FBN2: variants seen among roughly 807,000 people sequenced by gnomAD.
FBN2 encodes fibrillin 2.
A neutral mutation model predicts 355.6 loss-of-function variants in FBN2; 105 were observed. That is an observed-to-expected ratio of 0.30 (90% CI 0.25 to 0.35). The LOEUF is 0.35. FBN2 is among the 10% of genes least tolerant of loss of function. FBN2 has a pLI of 1.00. For missense variants in FBN2, 3,280 were observed against 3,758.7 expected (o/e 0.87, Z 3.33); for synonymous variants, 1,350 against 1,301.2 (o/e 1.04, Z -0.81).
rs1229071934 is a variant in FBN2, at chr5:128,335,150, T to C, written c.3973+20A>G. 6 of 1,613,980 alleles carry C rather than the reference T, an allele frequency of 3.7e-6. No homozygotes were observed. The highest frequency in any genetic ancestry group is 5.1e-6 in the Non-Finnish European group (6 of 1,180,002). The stretch of plus-strand genomic sequence containing the variant: ...GTGCATGTGTGTGTATAAATGTTTA[T>C]CCTTTCTTATGATACCCACCAATGC... On this transcript the variant is annotated intron_variant, in intron 30 of 64. Transcript: ENST00000262464.
rs776515245 is a variant in FBN2 at position 128,377,780 on chromosome 5, T to C, written c.1821A>G (p.Glu607=). ...SFQCICNAGF[E]LTTDGKNCVD... ...CACAGTTTTTTCCATCTGTAGTTAATTCAAAGCCGGCATTGCAAATGCACT... is the reference window on the plus strand; with the variant it reads ...CACAGTTTTTTCCATCTGTAGTTAACTCAAAGCCGGCATTGCAAATGCACT... The change falls in exon 13 of 65, where the codon GAA becomes GAG. Residue 607 remains glutamate (E), a synonymous_variant. Transcript: ENST00000262464. 2.5e-6 allele frequency: 4 copies of C among 1,613,664 alleles called. No individual in the cohort carries two copies. The South Asian group carries it at 4.4e-5, about 18-fold the overall frequency.
intron 16 of FBN2, among the ~76,000 whole-genome samples, chr5:128,367,890 A>T (rs1398432382): frequency 6.6e-6 from 1 of 151,918 alleles, no homozygotes; most frequent in East Asian, 1.9e-4. Context: ...AAAAAAAGTC[A>T]CACTCAGTAA....
intron 12 of FBN2, 68 bp downstream of exon 12, chr5:128,378,703 T>C: frequency 6.4e-7 from 1 of 1,569,992 alleles, no homozygotes; most frequent in East Asian, 2.2e-5. Context: ...AAATTTACTT[T>C]TAACCTCAAC....
At position 128,429,296 on chromosome 5, in the gene FBN2, C is replaced by A. The variant is rs116244214; in HGVS notation, c.952+17185G>T. Among the ~76,000 whole-genome samples the A allele has an allele frequency of 5.2e-3, 789 of 152,280 alleles. 5 individuals are homozygous for A. The highest frequency in any genetic ancestry group is 7.9e-3 in the Non-Finnish European group (539 of 68,026). ...GATGGGCCACTAAAGGCAAAACAGT[C>A]TTCCCCTTCCTTTCGTCACTTCTGT... On this transcript the variant is annotated intron_variant, in intron 7 of 64. Coordinates refer to ENST00000262464, the MANE Select transcript of FBN2 (RefSeq NM_001999.4).
At chr5:128,481,427 A>C (rs1755184765) in intron 5 of FBN2, among the ~76,000 whole-genome samples, 2 of 152,208 alleles carry the variant, frequency 1.3e-5, no homozygotes, top group Non-Finnish European at 2.9e-5. Context: ...ACTATGCGTC[A>C]TGCCACTGAG....
intron 9 of FBN2, among the ~76,000 whole-genome samples, chr5:128,393,830 T>C (rs1752582693): frequency 6.6e-6 from 1 of 152,200 alleles, no homozygotes; most frequent in Non-Finnish European, 1.5e-5. Context: ...CAGAATGATA[T>C]TTTTTTCTAA....
chr5:128,455,990 C>CAAAAAAAAAAAAAAAAAA lies in FBN2; in HGVS notation c.826+8716_826+8733dup, dbSNP rs70997371. On this transcript the variant is annotated intron_variant, in intron 6 of 64. Coordinates refer to ENST00000262464, the MANE Select transcript of FBN2 (RefSeq NM_001999.4). ...GAGCTCCTTGGGGGAGGGTTAGCAACAAAAAAAAAAAAAAAAAAAAAAAAA... is the reference window on the plus strand; with the variant it reads ...GAGCTCCTTGGGGGAGGGTTAGCAACAAAAAAAAAAAAAAAAAAAAAAAAAAAAAAAAAAAAAAAAAAA... 7.1e-4 allele frequency among the ~76,000 whole-genome samples: 18 copies of CAAAAAAAAAAAAAAAAAA among 25,272 alleles called. 7 individuals are homozygous for CAAAAAAAAAAAAAAAAAA. Among genetic ancestry groups the CAAAAAAAAAAAAAAAAAA allele is most frequent in the Admixed American group, 1.5e-3 (2 of 1,296 alleles). The allele number at this position is 25,272 out of a possible 152,430, so 16.6% of individuals were successfully genotyped here.
intron 16 of FBN2, among the ~76,000 whole-genome samples, chr5:128,368,478 A>G (rs985341319): frequency 6.8e-6 from 1 of 147,168 alleles, no homozygotes; most frequent in African/African-American, 2.5e-5. Flanking sequence ...ATATATATAC[A>G]TATATATACA....
chr5:128,395,262 C>A lies in FBN2; in HGVS notation c.1091G>T (p.Gly364Val). 6.2e-7 allele frequency: 1 copy of A among 1,614,084 alleles called. No homozygotes were observed. The highest frequency in any genetic ancestry group is 8.5e-7 in the Non-Finnish European group (1 of 1,180,002). ...ATTCACCAGGCCCGAGAAACACATG[C>A]CTGTTCTCTGATCTGTGCATGTATA... The part of the protein sequence containing the change: ...DGSRCIDQRT[G>V]MCFSGLVNGR... Residue 364 changes from glycine (G) to valine (V), a missense_variant, in exon 9 of 65, where the codon GGC becomes GTC. Around this residue, in one of 6 missense-constraint regions of FBN2, gnomAD observed 343 missense variants for 331.0 expected, o/e 1.04. Transcript: ENST00000262464.
At chr5:128,281,972 G>A (rs918681711) in intron 55 of FBN2, among the ~76,000 whole-genome samples, 2 of 152,070 alleles carry the variant, frequency 1.3e-5, no homozygotes, top group Admixed American at 6.6e-5. Flanking sequence ...TTACAGGTGC[G>A]AGCCACCGTG....
At chr5:128,387,658 T>A (rs748472630) in intron 11 of FBN2, among the ~76,000 whole-genome samples, 105 of 152,312 alleles carry the variant, frequency 6.9e-4, no homozygotes, top group Non-Finnish European at 9.3e-4. Context: ...TTATGTTGTA[T>A]CTTTGCTTTT....
chr5:128,529,920 A>G (rs75408363), intron 3 of FBN2, among the ~76,000 whole-genome samples: 302 of 152,290 alleles, frequency 2.0e-3, no homozygotes, highest in African/African-American at 6.9e-3. Context: ...CCTGAGTCAG[A>G]CATACTATAT....
At chr5:128,334,443 A>G (rs1176789420) in intron 31 of FBN2, among the ~76,000 whole-genome samples, 3 of 152,172 alleles carry the variant, frequency 2.0e-5, no homozygotes, top group African/African-American at 7.2e-5. Flanking sequence ...ATGAACGACC[A>G]TAAGTGGTCA....
intron 5 of FBN2, among the ~76,000 whole-genome samples, chr5:128,478,846 A>T (rs948685956): frequency 6.6e-6 from 1 of 152,220 alleles, no homozygotes; most frequent in Admixed American, 6.5e-5. Flanking sequence ...ACTCTTGTGC[A>T]TTCTTAACTG....
chr5:128,536,468 A>G lies in FBN2; in HGVS notation c.271T>C (p.Ser91Pro), dbSNP rs1468675487. The change falls in exon 2 of 65, where the codon TCC (serine) becomes CCC (proline). Residue 91 changes from serine (S) to proline (P), a missense_variant. By Grantham distance (74) the Ser-to-Pro change is moderately conservative (BLOSUM62 -1). Around this residue, in one of 6 missense-constraint regions of FBN2, gnomAD observed 203 missense variants for 142.2 expected, o/e 1.43. Transcript: ENST00000262464. ...DVLRGPNVCGSRFHSYCCPGW... is the reference protein window; with the variant it reads ...DVLRGPNVCGPRFHSYCCPGW... ...GGGCAGCAGTAGGAGTGGAATCTGG[A>G]GCCGCACACGTTGGGCCTGTGATGG... 6.2e-7 allele frequency: 1 copy of G among 1,613,906 alleles called. No homozygotes were observed. The highest frequency in any genetic ancestry group is 1.1e-5 in the South Asian group (1 of 90,998).
intron 5 of FBN2, among the ~76,000 whole-genome samples, chr5:128,490,192 TTTA>T (rs2127124430): frequency 6.6e-6 from 1 of 152,320 alleles, no homozygotes; most frequent in Non-Finnish European, 1.5e-5. Context: ...AAAATGTAGT[TTTA>T]TTGTTTTAAC....
intron 57 of FBN2, 109 bp downstream of exon 57, chr5:128,278,526 T>C (rs1765451918): frequency 1.1e-6 from 1 of 918,482 alleles, no homozygotes; most frequent in African/African-American, 1.6e-5. Context: ...GGTATAAACA[T>C]TTTAGCTACT....
chr5:128,472,380 A>T (rs1035788696), intron 5 of FBN2, among the ~76,000 whole-genome samples: 1 of 152,160 alleles, frequency 6.6e-6, no homozygotes. Context: ...ATGAAGGCTT[A>T]CTGTTTGTTT....
chr5:128,492,478 T>A (rs1755534202), intron 5 of FBN2, among the ~76,000 whole-genome samples: 1 of 152,146 alleles, frequency 6.6e-6, no homozygotes, highest in Non-Finnish European at 1.5e-5. Context: ...TTTTACAACA[T>A]TTAATAAACA....
Sources: gnomAD v4.1 joint callset for allele counts (sites outside exome capture counted in the v4.1 genomes callset) on GRCh38, gnomAD v4.1.1 for gene constraint, gnomAD v4.1.1 regional missense constraint, MANE v1.5 for transcripts, NCBI Gene and HGNC (gene_info 2026-07-23, HGNC 2026-07-21) for gene names.